The following FGGY variants were observed in gnomAD, a reference collection of about 807,000 sequenced individuals.
FGGY encodes FGGY carbohydrate kinase domain-containing protein.
FGGY carries 72 observed loss-of-function variants against 71.3 expected under a neutral mutation model. The ratio of observed to expected loss-of-function variants is 1.01; its 90% CI spans 0.84 to 1.23. The LOEUF (loss-of-function observed/expected upper bound fraction) is 1.23. Among genes scored for constraint, FGGY ranks in the 50% most tolerant of loss-of-function variants. FGGY has a pLI of 0.00. For missense variants in FGGY, 668 were observed against 682.3 expected, an observed-to-expected ratio of 0.98 and a Z score of 0.23; for synonymous variants, 251 against 250.3, an observed-to-expected ratio of 1.00 and a Z score of -0.02.
At position 59,650,729 on chromosome 1, in the gene FGGY, G is replaced by GT. The variant is rs1383528062; in HGVS notation, c.1222-9484dup. ...CCTGGATTCACTGATTTTTTGAAGG[G>GT]TTTTTTGTGTCTCTATTTCCTTCAG... On this transcript the variant is annotated intron_variant, in intron 11 of 15. Coordinates refer to ENST00000303721, the MANE Select transcript of FGGY (RefSeq NM_018291.5). Among the ~76,000 whole-genome samples, 5 of 133,812 alleles carry GT rather than the reference G, an allele frequency of 3.7e-5. No homozygotes were observed. In the East Asian group the frequency reaches 6.0e-4, roughly 16 times the overall value. 87.8% of individuals were successfully genotyped at this position (133,812 alleles called of 152,430 possible). A position where few individuals can be genotyped will look rare whatever the true frequency, so the allele number is the denominator to read the frequency against.
At chr1:59,709,466 TCACACACA>T (rs111353878) in intron 14 of FGGY, among the ~76,000 whole-genome samples, 1 of 142,660 alleles carries the variant, frequency 7.0e-6, no homozygotes, top group Non-Finnish European at 1.5e-5. Flanking sequence ...TGAAACTATA[TCACACACA>T]CACACACACA....
rs1201874645 is a variant in FGGY, at chr1:59,366,780, G to C, written c.466-11969G>C. 2.0e-5 allele frequency among the ~76,000 whole-genome samples: 3 copies of C among 151,958 alleles called. No homozygotes were observed. In the South Asian group the frequency reaches 6.2e-4, roughly 32 times the overall value. ...TTAGGTATATCAATGAATAATTAGG[G>C]TACAGCATGGGATGGAGAGGTTCAC... is the stretch of plus-strand genomic sequence containing the variant. On this transcript the variant is annotated intron_variant, in intron 4 of 15. Coordinates refer to ENST00000303721, the MANE Select transcript of FGGY (RefSeq NM_018291.5).
chr1:59,372,614 A>G (rs1470154928), intron 4 of FGGY, among the ~76,000 whole-genome samples: 1 of 152,190 alleles, frequency 6.6e-6, no homozygotes, highest in Admixed American at 6.5e-5. Flanking sequence ...TAAAAAAGAG[A>G]ATTTTAGACC....
intron 8 of FGGY, among the ~76,000 whole-genome samples, chr1:59,554,510 A>G (rs1194893381): frequency 1.3e-5 from 2 of 152,126 alleles, no homozygotes; most frequent in African/African-American, 2.4e-5. Flanking sequence ...GTGACATCTG[A>G]TCCTAAGGTG....
intron 6 of FGGY, among the ~76,000 whole-genome samples, chr1:59,496,615 CA>C (rs1477749779): frequency 3.3e-5 from 5 of 151,910 alleles, no homozygotes. Flanking sequence ...ATCTGCACAC[CA>C]AACTAATGTG....
chr1:59,371,211 G>T (rs1477587825), intron 4 of FGGY, among the ~76,000 whole-genome samples: 1 of 152,050 alleles, frequency 6.6e-6, no homozygotes, highest in African/African-American at 2.4e-5. Context: ...GATGGAGGAA[G>T]ATCTACCAAG....
At chr1:59,591,345 G>A (rs1195454444) in intron 8 of FGGY, among the ~76,000 whole-genome samples, 6 of 152,164 alleles carry the variant, frequency 3.9e-5, no homozygotes, top group East Asian at 1.9e-4. Flanking sequence ...AATCAGTATC[G>A]TGAAAATGGC....
chr1:59,692,411 C>G (rs145187450), intron 14 of FGGY, among the ~76,000 whole-genome samples: 60 of 152,128 alleles, frequency 3.9e-4, no homozygotes, highest in Admixed American at 7.9e-4. Context: ...AAAATAAGGT[C>G]CAGGGAAGAT....
chr1:59,459,380 G>A (rs2091984213), intron 6 of FGGY, among the ~76,000 whole-genome samples: 1 of 152,108 alleles, frequency 6.6e-6, no homozygotes. Flanking sequence ...TGGATGGCTT[G>A]GTTTGGGAAC....
chr1:59,650,760 C>T (rs1353066827), intron 11 of FGGY, among the ~76,000 whole-genome samples: 1 of 140,346 alleles, frequency 7.1e-6, no homozygotes, highest in Non-Finnish European at 1.5e-5. Context: ...TTCAGTTCTG[C>T]TCTGATCTTA....
chr1:59,553,093 G>A (rs1440142299), intron 7 of FGGY, among the ~76,000 whole-genome samples: 1 of 152,200 alleles, frequency 6.6e-6, no homozygotes, highest in African/African-American at 2.4e-5. Flanking sequence ...TCCAGGCAGA[G>A]GGAAGAGCAA....
chr1:59,385,450 A>G (rs1292156321), intron 5 of FGGY, among the ~76,000 whole-genome samples: 1 of 152,196 alleles, frequency 6.6e-6, no homozygotes, highest in Non-Finnish European at 1.5e-5. Context: ...GTTAGTCCTC[A>G]TGACCATCCT....
At chr1:59,512,737 A>G (rs2094548601) in intron 7 of FGGY, among the ~76,000 whole-genome samples, 1 of 152,210 alleles carries the variant, frequency 6.6e-6, no homozygotes. Context: ...AAGATATGTT[A>G]ATTTCTTGCC....
At chr1:59,733,454 T>G (rs1426533080) in intron 14 of FGGY, among the ~76,000 whole-genome samples, 1 of 118,798 alleles carries the variant, frequency 8.4e-6, no homozygotes, top group Non-Finnish European at 1.9e-5. Context: ...TTGTTTTGTT[T>G]TGTTTTGTTT....
At chr1:59,429,753 C>T (rs1396871490) in intron 5 of FGGY, among the ~76,000 whole-genome samples, 2 of 152,176 alleles carry the variant, frequency 1.3e-5, no homozygotes, top group African/African-American at 4.8e-5. Context: ...TTACTCTGTG[C>T]TAATAAATAG....
chr1:59,532,603 G>A (rs2153666013), intron 7 of FGGY, among the ~76,000 whole-genome samples: 1 of 152,184 alleles, frequency 6.6e-6, no homozygotes, highest in South Asian at 2.1e-4. Flanking sequence ...ATACAACTTA[G>A]CACATATTCA....
At chr1:59,576,899 C>G (rs1178279778) in intron 8 of FGGY, among the ~76,000 whole-genome samples, 1 of 152,096 alleles carries the variant, frequency 6.6e-6, no homozygotes, top group African/African-American at 2.4e-5. Context: ...TTACTCTGAA[C>G]TTCTCTAGGG....
chr1:59,616,462 C>G, intron 9 of FGGY, among the ~76,000 whole-genome samples: 1 of 152,068 alleles, frequency 6.6e-6, no homozygotes, highest in East Asian at 1.9e-4. Context: ...ATGGGAACAT[C>G]ATACACCAGG....
At chr1:59,548,708 A>T (rs2095563084) in intron 7 of FGGY, among the ~76,000 whole-genome samples, 2 of 152,218 alleles carry the variant, frequency 1.3e-5, no homozygotes, top group African/African-American at 4.8e-5. Context: ...AGAATAAAAA[A>T]TTCAGTCCTC....
Sources: gnomAD v4.1 joint callset for allele counts (sites outside exome capture counted in the v4.1 genomes callset) on GRCh38, gnomAD v4.1.1 for gene constraint, MANE v1.5 for transcripts, NCBI Gene and HGNC (gene_info 2026-07-23, HGNC 2026-07-21) for gene names.